The following KIF6 variants were observed in gnomAD, a reference collection of about 807,000 sequenced individuals.
KIF6 encodes the protein kinesin-like protein KIF6.
KIF6 carries 106 observed loss-of-function variants against 112.7 expected under a neutral mutation model. The ratio of observed to expected loss-of-function variants is 0.94; its 90% CI spans 0.80 to 1.11. KIF6 has a LOEUF of 1.11. Ranked by LOEUF, KIF6 falls within the 50% of genes least tolerant of loss-of-function variation. The pLI, the probability that KIF6 is intolerant of heterozygous loss-of-function variation, is 0.00. For missense variants in KIF6, 929 were observed against 964.0 expected, an observed-to-expected ratio of 0.96 and a Z score of 0.48; for synonymous variants, 339 against 339.9, an observed-to-expected ratio of 1.00 and a Z score of 0.03.
At chr6:39,638,553 GT>G (rs1784743255) in intron 4 of KIF6, among the ~76,000 whole-genome samples, 1 of 152,126 alleles carries the variant, frequency 6.6e-6, no homozygotes, top group African/African-American at 2.4e-5. Context: ...AAGCTGGCAT[GT>G]TTGAGCTAGA....
At chr6:39,344,728 TATC>T (rs1763577168) in intron 21 of KIF6, among the ~76,000 whole-genome samples, 2 of 152,182 alleles carry the variant, frequency 1.3e-5, no homozygotes, top group Non-Finnish European at 2.9e-5. Flanking sequence ...TTAGATGTCA[TATC>T]ATTCAGTGCT....
intron 13 of KIF6, among the ~76,000 whole-genome samples, chr6:39,533,206 G>C (rs1201509903): frequency 1.3e-5 from 2 of 152,262 alleles, no homozygotes; most frequent in Non-Finnish European, 2.9e-5. Flanking sequence ...AGCAGGGCAA[G>C]GCATTGCCTC....
chr6:39,490,550 T>C lies in KIF6; in HGVS notation c.1645+49453A>G, dbSNP rs116349648. On this transcript the variant is annotated intron_variant, in intron 13 of 22. Coordinates refer to ENST00000287152, the MANE Select transcript of KIF6 (RefSeq NM_145027.6). The stretch of plus-strand genomic sequence containing the variant: ...GTTTGTCGCCTATAAAATAAAATGG[T>C]TGAGGAATTCGGGAAGGGATTATCT... 9.4e-3 allele frequency among the ~76,000 whole-genome samples: 1,433 copies of C among 152,196 alleles called. 16 individuals are homozygous for C. Among genetic ancestry groups the C allele is most frequent in the Middle Eastern group, 0.041 (12 of 294 alleles).
intron 5 of KIF6, among the ~76,000 whole-genome samples, chr6:39,614,480 T>C (rs1429771987): frequency 6.6e-6 from 1 of 152,208 alleles, no homozygotes; most frequent in Admixed American, 6.5e-5. Flanking sequence ...TCATAATTTT[T>C]TTCATCTTTC....
At position 39,586,396 on chromosome 6, in the gene KIF6, A is replaced by G. The variant is rs1249648739; in HGVS notation, c.855T>C (p.Ile285=). 1 of 1,613,892 alleles carries G rather than the reference A, an allele frequency of 6.2e-7. No homozygotes were observed. Among genetic ancestry groups the G allele is most frequent in the Admixed American group, 1.7e-5 (1 of 60,002 alleles). ...LSLHYLEQVI[I]ALSEKHRSHI... ...GCGAACGGTGCTTTTCTGAAAGGGC[A>G]ATGATAACCTGTGGTAAAGTAGAAA... The change falls in exon 8 of 23, where the codon ATT becomes ATC. Residue 285 remains isoleucine, a synonymous_variant. Transcript: ENST00000287152.
In KIF6 at chr6:39,451,266, T is replaced by C. The variant is rs536945437; in HGVS notation, c.1646-20105A>G. 3.3e-5 allele frequency among the ~76,000 whole-genome samples: 5 copies of C among 152,322 alleles called. No individual in the cohort carries two copies. The South Asian group carries it at 8.3e-4, about 25-fold the overall frequency. On this transcript the variant is annotated intron_variant, in intron 13 of 22. Coordinates refer to ENST00000287152, the MANE Select transcript of KIF6 (RefSeq NM_145027.6). ...CAGACAAGAGAATCAAATAAGCACA[T>C]GCTATTAATTAGTTCTATGAAAAGA...
At chr6:39,498,453 AG>A (rs1191715349) in intron 13 of KIF6, among the ~76,000 whole-genome samples, 26 of 152,234 alleles carry the variant, frequency 1.7e-4, no homozygotes, top group African/African-American at 5.5e-4. Flanking sequence ...AGAAAAAAGA[AG>A]GGTGGATGGC....
chr6:39,583,369 G>T (rs867730549), intron 9 of KIF6: 8 of 470,860 alleles, frequency 1.7e-5, no homozygotes, highest in African/African-American at 6.0e-5. Context: ...CCTCTCTCCA[G>T]CAGGAACACT....
intron 12 of KIF6, among the ~76,000 whole-genome samples, chr6:39,540,801 T>G (rs1165942981): frequency 6.6e-6 from 1 of 152,222 alleles, no homozygotes; most frequent in Non-Finnish European, 1.5e-5. Context: ...CCACTAATGT[T>G]TGGTCTCAAA....
intron 3 of KIF6, among the ~76,000 whole-genome samples, chr6:39,648,230 G>GGGGTGCCTCACCATGTTGGCCAGGCT (rs1785282802): frequency 3.3e-5 from 3 of 90,336 alleles, no homozygotes; most frequent in African/African-American, 1.2e-4. Flanking sequence ...GGGCGGGGGG[G>GGGGTGCCTCACCATGTTGGCCAGGCT]GGTGCCTCAC....
chr6:39,385,478 A>C (rs1767335403), intron 16 of KIF6, 144 bp downstream of exon 16: 2 of 670,018 alleles, frequency 3.0e-6, no homozygotes, highest in Admixed American at 4.8e-5. Flanking sequence ...GCATCCAAGG[A>C]AAGCTGTGTG....
In KIF6 at chr6:39,607,011, G is replaced by T. The variant is rs111600462; in HGVS notation, c.639+6178C>A. Among the ~76,000 whole-genome samples, 578 of 152,186 alleles carry T rather than the reference G, an allele frequency of 3.8e-3. 5 individuals carry two copies. The highest frequency in any genetic ancestry group is 0.013 in the African/African-American group (549 of 41,546). The stretch of plus-strand genomic sequence containing the variant: ...GGTTTTCTCATAGTTTGAGGTTATG[G>T]CTATTTCCTTGTTTCACTGAAGATG... On this transcript the variant is annotated intron_variant, in intron 6 of 22. Coordinates refer to ENST00000287152, the MANE Select transcript of KIF6 (RefSeq NM_145027.6).
At chr6:39,336,760 T>A (rs1762928042) in intron 22 of KIF6, among the ~76,000 whole-genome samples, 1 of 152,126 alleles carries the variant, frequency 6.6e-6, no homozygotes, top group Admixed American at 6.6e-5. Context: ...CTCCCTAGGC[T>A]GAGACTGACG....
At chr6:39,723,858 C>T (rs192877272) in intron 1 of KIF6, among the ~76,000 whole-genome samples, 2 of 152,098 alleles carry the variant, frequency 1.3e-5, no homozygotes, top group East Asian at 1.9e-4. Flanking sequence ...GAAACCTGTA[C>T]GTTCTGCACA....
In KIF6 at chr6:39,586,332, T is replaced by G. The variant is rs921125807; in HGVS notation, c.919A>C (p.Arg307=). 2 of 1,614,014 alleles carry G rather than the reference T, an allele frequency of 1.2e-6. No homozygotes were observed. Among genetic ancestry groups the G allele is most frequent in the Non-Finnish European group, 1.7e-6 (2 of 1,179,858 alleles). ...ATGCAGTTCCCTCCCAAACTGTCTC[T>G]TAGGACACTGGTCATCATGGAGTTT... The part of the protein sequence containing the change: ...YRNSMMTSVL[R]DSLGGNCMTT... The change falls in exon 8 of 23, where the codon AGA becomes CGA. Residue 307 remains arginine, a synonymous_variant. Coordinates refer to ENST00000287152, the MANE Select transcript of KIF6 (RefSeq NM_145027.6).
At chr6:39,617,322 T>A (rs1042135302) in intron 5 of KIF6, among the ~76,000 whole-genome samples, 1 of 152,130 alleles carries the variant, frequency 6.6e-6, no homozygotes, top group Non-Finnish European at 1.5e-5. Flanking sequence ...GAAGCACATA[T>A]AAAGAGCAAT....
At chr6:39,561,206 G>A (rs9380880) in intron 10 of KIF6, among the ~76,000 whole-genome samples, 6,087 of 152,272 alleles carry the variant, frequency 0.04, 274 homozygotes, top group East Asian at 0.25. Flanking sequence ...TCCTACACTA[G>A]TAGAGAATTG....
At chr6:39,724,368 G>A (rs2113916484) in intron 1 of KIF6, among the ~76,000 whole-genome samples, 1 of 151,162 alleles carries the variant, frequency 6.6e-6, no homozygotes, top group Admixed American at 6.6e-5. Flanking sequence ...CAGGAGAATG[G>A]CGTGAATCCA....
At position 39,422,010 on chromosome 6, in the gene KIF6, A is replaced by T. The variant is rs1401035391; in HGVS notation, c.1755-2007T>A. On this transcript the variant is annotated intron_variant, in intron 14 of 22. Coordinates refer to ENST00000287152, the MANE Select transcript of KIF6 (RefSeq NM_145027.6). ...GCTCTGTCCATCCCTAGTACCTAGG[A>T]TTCATAGGATCTGACAGTCACACGT... is the stretch of plus-strand genomic sequence containing the variant. 2.6e-5 allele frequency among the ~76,000 whole-genome samples: 4 copies of T among 152,230 alleles called. No individual in the cohort carries two copies. In the East Asian group the frequency reaches 7.7e-4, roughly 29 times the overall value.
Sources: gnomAD v4.1 joint callset for allele counts (sites outside exome capture counted in the v4.1 genomes callset) on GRCh38, gnomAD v4.1.1 for gene constraint, MANE v1.5 for transcripts, NCBI Gene and HGNC (gene_info 2026-07-23, HGNC 2026-07-21) for gene names.